The following ANKRD33B variants were observed in gnomAD, a reference collection of about 807,000 sequenced individuals.
The protein encoded by ANKRD33B is ankyrin repeat domain-containing protein 33B.
In ANKRD33B, 6 loss-of-function variants were observed where a neutral mutation model predicts 21.5. The observed-to-expected ratio is 0.28, with a 90% CI of 0.15 to 0.55. ANKRD33B has a LOEUF of 0.55. ANKRD33B is among the 20% of genes least tolerant of loss of function. The pLI, the probability that ANKRD33B is intolerant of heterozygous loss-of-function variation, is 0.94. For missense variants in ANKRD33B, 698 were observed against 747.2 expected, an observed-to-expected ratio of 0.93 and a Z score of 0.77; for synonymous variants, 347 against 342.4, an observed-to-expected ratio of 1.01 and a Z score of -0.15.
intron 2 of ANKRD33B, among the ~76,000 whole-genome samples, chr5:10,622,642 A>G (rs965681190): frequency 3.9e-5 from 6 of 152,110 alleles, no homozygotes; most frequent in Admixed American, 2.0e-4. Context: ...CAATAAACCA[A>G]TTTCATTTTT....
At chr5:10,593,233 C>G (rs55689405) in intron 1 of ANKRD33B, among the ~76,000 whole-genome samples, 1 of 151,816 alleles carries the variant, frequency 6.6e-6, no homozygotes, top group Non-Finnish European at 1.5e-5. Context: ...TAATAGGACT[C>G]TCTTTTTTTC....
At position 10,643,768 on chromosome 5, in the gene ANKRD33B, C is replaced by T. The variant is rs539894534; in HGVS notation, c.638-5498C>T. Among the ~76,000 whole-genome samples the T allele has an allele frequency of 3.4e-4, 48 of 142,994 alleles. 1 individual carries two copies. The highest frequency in any genetic ancestry group is 6.5e-4 in the South Asian group (3 of 4,604). 93.8% of individuals were successfully genotyped at this position (142,994 alleles called of 152,430 possible). A position where few individuals can be genotyped will look rare whatever the true frequency, so the allele number is the denominator to read the frequency against. ...CTAGGAGGCGGAGGTTGCAGTGAGC[C>T]GATATCATGCCACTGTATTCCAGCC... is the stretch of plus-strand genomic sequence containing the variant. On this transcript the variant is annotated intron_variant, in intron 3 of 3. Coordinates refer to ENST00000296657, the MANE Select transcript of ANKRD33B (RefSeq NM_001164440.2).
At chr5:10,644,424 C>G (rs991104248) in intron 3 of ANKRD33B, among the ~76,000 whole-genome samples, 2 of 152,180 alleles carry the variant, frequency 1.3e-5, no homozygotes, top group African/African-American at 4.8e-5. Context: ...GAGGCAGAAT[C>G]TGTGGAGGTT....
intron 1 of ANKRD33B, among the ~76,000 whole-genome samples, chr5:10,583,829 T>TTC (rs1272420407): frequency 1.3e-5 from 2 of 152,258 alleles, no homozygotes; most frequent in Admixed American, 6.5e-5. Context: ...CTGTAAATGC[T>TTC]TCTCTCTTTG....
chr5:10,587,694 A>G (rs1255745939), intron 1 of ANKRD33B, among the ~76,000 whole-genome samples: 2 of 152,150 alleles, frequency 1.3e-5, no homozygotes, highest in Non-Finnish European at 2.9e-5. Flanking sequence ...TGAAATATAT[A>G]TGCTCTGCCA....
intron 1 of ANKRD33B, among the ~76,000 whole-genome samples, chr5:10,568,892 A>T (rs1560958343): frequency 6.6e-6 from 1 of 152,060 alleles, no homozygotes; most frequent in South Asian, 2.1e-4. Flanking sequence ...AGGCCCCTCC[A>T]TTGGTTTGTT....
At chr5:10,577,091 T>TCCCTTC (rs200753483) in intron 1 of ANKRD33B, among the ~76,000 whole-genome samples, 3 of 151,226 alleles carry the variant, frequency 2.0e-5, no homozygotes, top group Admixed American at 6.6e-5. Context: ...CCTTTCCCTT[T>TCCCTTC]CCCTTCCCCT....
At chr5:10,607,253 G>A (rs566088230) in intron 1 of ANKRD33B, among the ~76,000 whole-genome samples, 6 of 152,256 alleles carry the variant, frequency 3.9e-5, no homozygotes, top group African/African-American at 1.4e-4. Context: ...TTTGCCTCTC[G>A]CTCATTCATG....
chr5:10,604,888 G>C (rs1736009732), intron 1 of ANKRD33B, among the ~76,000 whole-genome samples: 1 of 152,190 alleles, frequency 6.6e-6, no homozygotes, highest in African/African-American at 2.4e-5. Context: ...AAACACAGTG[G>C]CTTTAAATAA....
rs1375405746 is a variant in ANKRD33B, at chr5:10,650,167, G to A, written c.*54G>A. 24 of 1,405,028 alleles carry A rather than the reference G, an allele frequency of 1.7e-5. No homozygotes were observed. The East Asian group carries it at 3.1e-4, about 18-fold the overall frequency. The allele number at this position is 1,405,028 out of a possible 1,614,324, so 87.0% of individuals were successfully genotyped here. ...GGCTGGGGCCGGGGCGGGGCCGCAG[G>A]GCTGGGCGCGGAGAAGGAGGCGGCC... On this transcript the variant is annotated 3_prime_UTR_variant, in exon 4 of 4. Coordinates refer to ENST00000296657, the MANE Select transcript of ANKRD33B (RefSeq NM_001164440.2).
At chr5:10,632,727 C>T (rs947792982) in intron 2 of ANKRD33B, among the ~76,000 whole-genome samples, 33 of 152,344 alleles carry the variant, frequency 2.2e-4, no homozygotes, top group Admixed American at 2.1e-3. Context: ...GAATCATGGT[C>T]CTGACCTTGC....
chr5:10,618,381 G>C lies in ANKRD33B; in HGVS notation c.415G>C (p.Ala139Pro). ...CYHGFVDTVV[A>P]LAECPHVDVN... The stretch of plus-strand genomic sequence containing the variant: ...CCACGGCTTTGTGGATACCGTGGTG[G>C]CCTTAGCAGAGTGCCCCCACGTTGA... Residue 139 changes from alanine to proline, a missense_variant, in exon 2 of 4, where the codon GCC (alanine) becomes CCC (proline). Around this residue, in one of 3 missense-constraint regions of ANKRD33B, gnomAD observed 543 missense variants for 566.5 expected, o/e 0.96. Coordinates refer to ENST00000296657, the MANE Select transcript of ANKRD33B (RefSeq NM_001164440.2). 6.5e-7 allele frequency: 1 copy of C among 1,537,750 alleles called. No homozygotes were observed. Among genetic ancestry groups the C allele is most frequent in the Non-Finnish European group, 8.7e-7 (1 of 1,147,014 alleles).
chr5:10,624,280 T>C (rs1736492213), intron 2 of ANKRD33B, among the ~76,000 whole-genome samples: 1 of 151,946 alleles, frequency 6.6e-6, no homozygotes, highest in African/African-American at 2.4e-5. Flanking sequence ...TAGGCGCCAG[T>C]CACCGTGCCC....
chr5:10,609,851 G>A (rs571261045), intron 1 of ANKRD33B, among the ~76,000 whole-genome samples: 2 of 152,302 alleles, frequency 1.3e-5, no homozygotes, highest in South Asian at 4.1e-4. Context: ...GGAGGCTGCC[G>A]TGAGCTGAGA....
chr5:10,580,725 G>C (rs1246291142), intron 1 of ANKRD33B, among the ~76,000 whole-genome samples: 1 of 152,060 alleles, frequency 6.6e-6, no homozygotes, highest in Non-Finnish European at 1.5e-5. Flanking sequence ...AGGGACTCGG[G>C]AGTGGAGAGA....
intron 2 of ANKRD33B, among the ~76,000 whole-genome samples, chr5:10,635,849 T>C (rs1454017691): frequency 1.5e-5 from 2 of 136,102 alleles, no homozygotes; most frequent in Non-Finnish European, 3.3e-5. Flanking sequence ...GGGTTTCATA[T>C]TGGATTTGCT....
In ANKRD33B at chr5:10,641,122, A is replaced by T. The variant is rs1014597449; in HGVS notation, c.637+2954A>T. 9.9e-5 allele frequency among the ~76,000 whole-genome samples: 15 copies of T among 151,706 alleles called. 1 individual carries two copies. The highest frequency in any genetic ancestry group is 3.6e-4 in the African/African-American group (15 of 41,266). Reference sequence around the variant, plus strand: ...GGGTGGCATCAGAGTTTTCCCAGGCATCAGTGCTTCCATTAATGTCACTTT... The same window carrying T: ...GGGTGGCATCAGAGTTTTCCCAGGCTTCAGTGCTTCCATTAATGTCACTTT... On this transcript the variant is annotated intron_variant, in intron 3 of 3. Coordinates refer to ENST00000296657, the MANE Select transcript of ANKRD33B (RefSeq NM_001164440.2).
intron 2 of ANKRD33B, among the ~76,000 whole-genome samples, chr5:10,626,238 G>A (rs957946453): frequency 6.6e-6 from 1 of 152,218 alleles, no homozygotes; most frequent in South Asian, 2.1e-4. Context: ...TTCCTAGGCC[G>A]AAAGCAGGGC....
chr5:10,620,760 A>G (rs554013405), intron 2 of ANKRD33B, among the ~76,000 whole-genome samples: 1 of 152,342 alleles, frequency 6.6e-6, no homozygotes, highest in East Asian at 1.9e-4. Context: ...ATCAGGACAC[A>G]TACTGCCAGT....
Sources: allele counts gnomAD v4.1 joint callset (sites outside exome capture counted in the v4.1 genomes callset), GRCh38; gene constraint gnomAD v4.1.1; regional missense constraint gnomAD v4.1.1; transcripts MANE v1.5; gene names NCBI Gene and HGNC (gene_info 2026-07-23, HGNC 2026-07-21).